TIAM2: variants seen among roughly 807,000 people sequenced by gnomAD.
The protein encoded by TIAM2 is TIAM Rac1 associated GEF 2.
In TIAM2, 80 loss-of-function variants were observed where a neutral mutation model predicts 152.9. That is an observed-to-expected ratio of 0.52 (90% CI 0.44 to 0.63). The LOEUF (loss-of-function observed/expected upper bound fraction) is 0.63. Among genes scored for constraint, TIAM2 ranks in the 30% least tolerant of loss-of-function variants. The pLI is 0.00. For missense variants in TIAM2, 1,965 were observed against 2,120.1 expected, an observed-to-expected ratio of 0.93 and a Z score of 1.44; for synonymous variants, 804 against 838.0, an observed-to-expected ratio of 0.96 and a Z score of 0.70.
intron 7 of TIAM2, among the ~76,000 whole-genome samples, chr6:155,162,058 A>G (rs1247155314): frequency 2.6e-5 from 4 of 152,084 alleles, no homozygotes; most frequent in Non-Finnish European, 4.4e-5. Context: ...CTTGGGTTCA[A>G]GAGATCCTCC....
chr6:155,235,010 GCA>G (rs879602730), intron 15 of TIAM2, among the ~76,000 whole-genome samples: 11 of 151,408 alleles, frequency 7.3e-5, no homozygotes, highest in East Asian at 1.9e-4. Flanking sequence ...TAGAGATGGA[GCA>G]CAGCTAGAGA....
rs1025566964 is a variant in TIAM2 at position 155,211,300 on chromosome 6, C to T, written c.3161C>T (p.Thr1054Ile). The T allele has an allele frequency of 1.9e-6, 3 of 1,612,962 alleles. No individual in the cohort carries two copies. The highest frequency in any genetic ancestry group is 8.5e-7 in the Non-Finnish European group (1 of 1,179,220). ...TCCCACAGGGAGAAAATGGAGCAGA[C>T]ATTCAGGGTAAGATACTGGCCCAAA... ...QVSHREKMEQ[T>I]FRSAEQITAL... is the part of the protein sequence containing the mutation. Residue 1054 changes from threonine (T) to isoleucine (I), a missense_variant, in exon 15 of 27, where the codon ACA (threonine) becomes ATA (isoleucine). Physicochemically the swap from Thr to Ile is moderately conservative, Grantham distance 89 (BLOSUM62 -1). Transcript: ENST00000682666.
At chr6:155,107,354 T>C (rs757697814) in intron 2 of TIAM2, among the ~76,000 whole-genome samples, 1 of 152,228 alleles carries the variant, frequency 6.6e-6, no homozygotes, top group Non-Finnish European at 1.5e-5. Context: ...AATTGGAGTG[T>C]CTGTGTGCTT....
chr6:155,096,658 A>G (rs1778424882), intron 2 of TIAM2, among the ~76,000 whole-genome samples: 1 of 152,014 alleles, frequency 6.6e-6, no homozygotes, highest in African/African-American at 2.4e-5. Flanking sequence ...CTCCAGTTTC[A>G]CCCACATTGC....
intron 2 of TIAM2, among the ~76,000 whole-genome samples, chr6:155,102,577 C>T (rs550267721): frequency 1.8e-4 from 28 of 152,072 alleles, no homozygotes; most frequent in Non-Finnish European, 3.5e-4. Context: ...AATGCCCCAT[C>T]TTATCATTTT....
intron 2 of TIAM2, among the ~76,000 whole-genome samples, chr6:155,097,265 G>A (rs1170230186): frequency 6.6e-6 from 1 of 152,154 alleles, no homozygotes; most frequent in East Asian, 1.9e-4. Flanking sequence ...TTGTAGATAG[G>A]TAGTTTGCAG....
intron 16 of TIAM2, 53 bp downstream of exon 16, chr6:155,240,762 G>C: frequency 9.0e-6 from 14 of 1,555,256 alleles, no homozygotes; most frequent in African/African-American, 1.3e-5. Flanking sequence ...GATGGCAAGT[G>C]GTATGCTGGC....
At chr6:155,065,695 G>A (rs1466959985) in intron 1 of TIAM2, among the ~76,000 whole-genome samples, 1 of 152,138 alleles carries the variant, frequency 6.6e-6, no homozygotes, top group African/African-American at 2.4e-5. Context: ...CCTAAACCTG[G>A]GAAGTGGAGG....
chr6:155,180,098 G>A (rs1780862759), intron 12 of TIAM2, among the ~76,000 whole-genome samples: 1 of 152,168 alleles, frequency 6.6e-6, no homozygotes, highest in Non-Finnish European at 1.5e-5. Context: ...TGACCAACAT[G>A]GAGAAACCCC....
chr6:155,001,309 C>T (rs1466977979), intron 1 of TIAM2, among the ~76,000 whole-genome samples: 1 of 152,196 alleles, frequency 6.6e-6, no homozygotes, highest in Non-Finnish European at 1.5e-5. Flanking sequence ...TGAAATTGCA[C>T]AGCTGAGATT....
intron 1 of TIAM2, among the ~76,000 whole-genome samples, chr6:155,063,285 G>A (rs897125566): frequency 3.1e-4 from 47 of 152,140 alleles, no homozygotes; most frequent in African/African-American, 9.7e-4. Flanking sequence ...CAACTAAAAA[G>A]CAGTGTTTTA....
chr6:155,051,320 CGCTTACTCCCA>C (rs1777312124), intron 1 of TIAM2, among the ~76,000 whole-genome samples: 2 of 152,124 alleles, frequency 1.3e-5, no homozygotes, highest in East Asian at 3.9e-4. Context: ...GAGCAGAGCC[CGCTTACTCCCA>C]TCCATGGGTG....
At chr6:155,172,684 A>AT (rs1780651003) in intron 9 of TIAM2, among the ~76,000 whole-genome samples, 2 of 13,726 alleles carry the variant, frequency 1.5e-4, no homozygotes, top group East Asian at 3.2e-3. Context: ...ATATATATAT[A>AT]TATTTTTTTT....
intron 9 of TIAM2, among the ~76,000 whole-genome samples, chr6:155,175,525 A>G (rs1780739621): frequency 6.6e-6 from 1 of 152,236 alleles, no homozygotes; most frequent in Admixed American, 6.5e-5. Flanking sequence ...GCTCACAAAA[A>G]CTTAAGTAAC....
intron 1 of TIAM2, among the ~76,000 whole-genome samples, chr6:155,032,398 T>C (rs561654553): frequency 9.8e-5 from 15 of 152,300 alleles, no homozygotes; most frequent in African/African-American, 2.9e-4. Flanking sequence ...CATTAATCAC[T>C]AAATCCCTGT....
At chr6:155,242,310 A>G (rs1783074610) in intron 16 of TIAM2, among the ~76,000 whole-genome samples, 1 of 152,152 alleles carries the variant, frequency 6.6e-6, no homozygotes, top group Admixed American at 6.5e-5. Flanking sequence ...CCGTTTCTTC[A>G]TTTCTTTTTT....
Position 155,029,255 on chromosome 6 carries a change from A to G in TIAM2, c.-209+33763A>G, listed in dbSNP as rs1405173158. ...ATGTGTTATATACACTATATGTACT[A>G]TGTGTTATATACACTATATGTACTA... is the stretch of plus-strand genomic sequence containing the variant. On this transcript the variant is annotated intron_variant, in intron 1 of 26. Coordinates refer to ENST00000682666, the MANE Select transcript of TIAM2 (RefSeq NM_012454.4). Among the ~76,000 whole-genome samples the G allele has an allele frequency of 1.8e-5, 2 of 109,412 alleles. 1 individual carries two copies. Among genetic ancestry groups the G allele is most frequent in the Non-Finnish European group, 3.7e-5 (2 of 54,416 alleles). The allele number at this position is 109,412 out of a possible 152,430, so 71.8% of individuals were successfully genotyped here.
At chr6:155,252,804 T>G in intron 23 of TIAM2, 144 bp from the exon 24 acceptor site, 1 of 660,528 alleles carries the variant, frequency 1.5e-6, no homozygotes. Flanking sequence ...GGTGCGTAGC[T>G]GATTGACTTC....
chr6:155,233,632 A>C (rs777542458), intron 15 of TIAM2, among the ~76,000 whole-genome samples: 87 of 152,138 alleles, frequency 5.7e-4, no homozygotes, highest in Non-Finnish European at 8.7e-4. Flanking sequence ...AAATAAGATA[A>C]AATCATTTTC....
Sources: gnomAD v4.1 joint callset for allele counts (sites outside exome capture counted in the v4.1 genomes callset) on GRCh38, gnomAD v4.1.1 for gene constraint, MANE v1.5 for transcripts, NCBI Gene and HGNC (gene_info 2026-07-23, HGNC 2026-07-21) for gene names.